CSMD3: variants seen among roughly 807,000 people sequenced by gnomAD.
CSMD3 encodes the protein CUB and Sushi multiple domains 3, also known as CUB and sushi domain-containing protein 3.
CSMD3 carries 177 observed loss-of-function variants against 435.2 expected under a neutral mutation model. That is an observed-to-expected ratio of 0.41 (90% CI 0.36 to 0.46). The LOEUF (loss-of-function observed/expected upper bound fraction) is 0.46. Among genes scored for constraint, CSMD3 ranks in the 20% least tolerant of loss-of-function variants. CSMD3 has a pLI of 0.34. For synonymous variants in CSMD3, 1,656 were observed against 1,520.5 expected (o/e 1.09, Z -2.07); for missense variants, 4,265 against 4,504.6 (o/e 0.95, Z 1.52).
chr8:112,392,267 G>C lies in CSMD3; in HGVS notation c.5810-1479C>G, dbSNP rs189724490. Among the ~76,000 whole-genome samples the C allele has an allele frequency of 1.3e-3, 167 of 132,358 alleles. 1 individual carries two copies. Among genetic ancestry groups the C allele is most frequent in the African/African-American group, 4.5e-3 (160 of 35,818 alleles). 86.8% of individuals were successfully genotyped at this position (132,358 alleles called of 152,430 possible). A position where few individuals can be genotyped will look rare whatever the true frequency, so the allele number is the denominator to read the frequency against. The stretch of plus-strand genomic sequence containing the variant: ...TAATTTATTTTAAAAGTGAATTACA[G>C]TTTTGTGCCACTTCCAAAGACAAAC... On this transcript the variant is annotated intron_variant, in intron 35 of 70. Coordinates refer to ENST00000297405, the MANE Select transcript of CSMD3 (RefSeq NM_198123.2).
chr8:112,999,218 A>AT (rs888406289), intron 6 of CSMD3, among the ~76,000 whole-genome samples: 2 of 151,980 alleles, frequency 1.3e-5, no homozygotes, highest in Non-Finnish European at 2.9e-5. Flanking sequence ...AAGGGATGGA[A>AT]TTTTTTAACA....
rs943755071 is a variant in CSMD3 at position 112,899,867 on chromosome 8, TTA to T, written c.1633+21758_1633+21759del. Among the ~76,000 whole-genome samples the T allele has an allele frequency of 2.0e-5, 3 of 149,264 alleles. No homozygotes were observed. The Admixed American group carries it at 2.0e-4, about 10-fold the overall frequency. On this transcript the variant is annotated intron_variant, in intron 10 of 70. Transcript: ENST00000297405. ...GAGAGAGAGTCAGAGAGAGAGAGACTTATATATATCTTCTGATTAGTTTTGTC... is the reference window on the plus strand; with the variant it reads ...GAGAGAGAGTCAGAGAGAGAGAGACTTATATATCTTCTGATTAGTTTTGTC...
chr8:112,311,954 T>A (rs1822014444), intron 49 of CSMD3, among the ~76,000 whole-genome samples: 2 of 152,280 alleles, frequency 1.3e-5, no homozygotes, highest in South Asian at 4.1e-4. Flanking sequence ...AAAATACATA[T>A]TTAATATGTC....
At position 112,685,452 on chromosome 8, in the gene CSMD3, C is replaced by A. The variant is rs2131802623; in HGVS notation, c.2436G>T (p.Gln812His). Residue 812 changes from glutamine to histidine, a missense_variant, in exon 15 of 71, where the codon CAG (glutamine) becomes CAT (histidine). Gln to His is a conservative substitution (Grantham distance 24). Around this residue, in one of 3 missense-constraint regions of CSMD3, gnomAD observed 279 missense variants for 369.0 expected, o/e 0.76. Transcript: ENST00000297405. ...CACGTCCTGACATTGAGTGGTCAGC[C>A]TGAAATTCCAATCGCAGTATGTGAC... ...SNSHILRLEF[Q>H]ADHSMSGRGF... is the part of the protein sequence containing the mutation. The A allele has an allele frequency of 1.9e-6, 3 of 1,613,956 alleles. No homozygotes were observed. The highest frequency in any genetic ancestry group is 2.5e-6 in the Non-Finnish European group (3 of 1,179,932).
At chr8:113,070,063 G>A (rs147808765) in intron 5 of CSMD3, among the ~76,000 whole-genome samples, 226 of 152,158 alleles carry the variant, frequency 1.5e-3, no homozygotes, top group African/African-American at 5.3e-3. Context: ...GCATGATGAT[G>A]GCTTTCATTA....
chr8:112,322,743 C>T (rs1295478985), intron 45 of CSMD3, among the ~76,000 whole-genome samples: 1 of 151,998 alleles, frequency 6.6e-6, no homozygotes. Flanking sequence ...CACAGAACCC[C>T]TTTTGTGGCA....
chr8:113,090,709 A>T (rs1179035630), intron 5 of CSMD3, among the ~76,000 whole-genome samples: 1 of 152,060 alleles, frequency 6.6e-6, no homozygotes, highest in Non-Finnish European at 1.5e-5. Flanking sequence ...CTGTCTTGTT[A>T]TGCTTACATA....
chr8:112,319,011 A>G (rs1017946943), intron 46 of CSMD3, 61 bp from the exon 47 acceptor site: 4 of 946,052 alleles, frequency 4.2e-6, no homozygotes, highest in African/African-American at 1.6e-5. Context: ...AAATAAACAA[A>G]TATTTCAATT....
At chr8:112,573,706 A>T (rs1050388164) in intron 23 of CSMD3, 49 bp from the exon 24 acceptor site, 2 of 1,354,184 alleles carry the variant, frequency 1.5e-6, no homozygotes, top group South Asian at 1.2e-5. Context: ...ATAATAATCA[A>T]TTCAGAGCAT....
At chr8:112,668,286 T>G (rs967938611) in intron 16 of CSMD3, among the ~76,000 whole-genome samples, 3 of 152,042 alleles carry the variant, frequency 2.0e-5, no homozygotes, top group African/African-American at 7.2e-5. Flanking sequence ...GTCACTTAAA[T>G]TACCATATTT....
chr8:112,397,033 T>C (rs1165847733), intron 35 of CSMD3, among the ~76,000 whole-genome samples: 1 of 152,188 alleles, frequency 6.6e-6, no homozygotes, highest in Non-Finnish European at 1.5e-5. Context: ...AACACTTTGA[T>C]ATTAACGTAA....
chr8:113,078,005 T>C (rs1336771197), intron 5 of CSMD3, among the ~76,000 whole-genome samples: 3 of 152,162 alleles, frequency 2.0e-5, no homozygotes, highest in Admixed American at 6.5e-5. Flanking sequence ...TACTTATCAA[T>C]AATAACTCAA....
At chr8:113,086,532 A>G (rs944681286) in intron 5 of CSMD3, among the ~76,000 whole-genome samples, 5 of 149,296 alleles carry the variant, frequency 3.3e-5, no homozygotes, top group Non-Finnish European at 7.4e-5. Context: ...AAAATATATT[A>G]TTGGGAGCTT....
rs12549684 is a variant in CSMD3 at position 112,777,496 on chromosome 8, C to T, written c.1972+22666G>A. Among the ~76,000 whole-genome samples, 125 of 151,654 alleles carry T rather than the reference C, an allele frequency of 8.2e-4. 2 individuals are homozygous for T. The highest frequency in any genetic ancestry group is 6.7e-3 in the Admixed American group (101 of 15,178). On this transcript the variant is annotated intron_variant, in intron 13 of 70. Transcript: ENST00000297405. ...TAACAATTGCCAGTATGTTCAAACA[C>T]GATTATTTTAAAAGGTGTAAGCCAA... is the stretch of plus-strand genomic sequence containing the variant.
chr8:113,110,299 ATTTC>A (rs1564326107), intron 4 of CSMD3, among the ~76,000 whole-genome samples: 1 of 151,886 alleles, frequency 6.6e-6, no homozygotes, highest in African/African-American at 2.4e-5. Context: ...TCTTTCTATC[ATTTC>A]TTTCTTTTCC....
intron 32 of CSMD3, among the ~76,000 whole-genome samples, chr8:112,446,776 C>T (rs995587311): frequency 2.6e-5 from 4 of 151,998 alleles, no homozygotes; most frequent in African/African-American, 9.7e-5. Flanking sequence ...TTTTTGCTTT[C>T]GAAAACCAGA....
rs777313998 is a variant in CSMD3 at position 113,189,974 on chromosome 8, C to A, written c.515-16058G>T. Reference sequence around the variant, plus strand: ...TTTAGCCTTTAAAATAATATGTATTCTTTTATTTTGCCATTATAAGCTTTT... The same window carrying A: ...TTTAGCCTTTAAAATAATATGTATTATTTTATTTTGCCATTATAAGCTTTT... On this transcript the variant is annotated intron_variant, in intron 3 of 70. Transcript: ENST00000297405. Among the ~76,000 whole-genome samples the A allele has an allele frequency of 1.1e-4, 16 of 151,664 alleles. 1 individual carries two copies. Among genetic ancestry groups the A allele is most frequent in the Middle Eastern group, 6.8e-3 (2 of 294 alleles).
At chr8:113,391,396 A>G (rs2094460551) in intron 1 of CSMD3, among the ~76,000 whole-genome samples, 2 of 152,050 alleles carry the variant, frequency 1.3e-5, no homozygotes. Flanking sequence ...TGGTGGTAAC[A>G]TGGGATAATT....
intron 1 of CSMD3, among the ~76,000 whole-genome samples, chr8:113,429,650 T>C (rs1363232614): frequency 6.6e-6 from 1 of 152,162 alleles, no homozygotes; most frequent in East Asian, 1.9e-4. Flanking sequence ...TAATTACTAA[T>C]ACTAATTGAT....
Sources: gnomAD v4.1 joint callset for allele counts (sites outside exome capture counted in the v4.1 genomes callset) on GRCh38, gnomAD v4.1.1 for gene constraint, gnomAD v4.1.1 regional missense constraint, MANE v1.5 for transcripts, NCBI Gene and HGNC (gene_info 2026-07-23, HGNC 2026-07-21) for gene names.